Variants in NOS1 observed in about 807,000 individuals in gnomAD.
The protein encoded by NOS1 is NOS type I.
A neutral mutation model predicts 164.5 loss-of-function variants in NOS1; 51 were observed. That is an observed-to-expected ratio of 0.31 (90% CI 0.25 to 0.39). NOS1 has a LOEUF of 0.39. Among genes scored for constraint, NOS1 ranks in the 10% least tolerant of loss-of-function variants. The probability of loss-of-function intolerance (pLI) is 1.00; values close to 1 mark genes in which losing one functional copy is unlikely to be tolerated. For missense variants in NOS1, 1,362 were observed against 1,885.6 expected (o/e 0.72, Z 5.14); for synonymous variants, 719 against 745.8 (o/e 0.96, Z 0.59).
In NOS1 at chr12:117,272,394, A is replaced by G. The variant is rs372404284; in HGVS notation, c.1830T>C (p.Asn610=). ...CAGAGAGGGCCCTTACCTCCAGGATATTGTAGCGGGAGTTGTCACAGTAGT... is the reference window on the plus strand; with the variant it reads ...CAGAGAGGGCCCTTACCTCCAGGATGTTGTAGCGGGAGTTGTCACAGTAGT... The part of the protein sequence containing the change: ...VRDYCDNSRY[N]ILEEVAKKMN... The change falls in exon 10 of 29, where the codon AAT becomes AAC. Residue 610 remains asparagine (N), a synonymous_variant. Coordinates refer to ENST00000317775, the MANE Select transcript of NOS1 (RefSeq NM_000620.5). This position sits in a 1 kb window ranked among gnomAD's most constrained non-coding sequence, Gnocchi z 4.3. The G allele has an allele frequency of 3.7e-5, 59 of 1,613,924 alleles. No homozygotes were observed. The highest frequency in any genetic ancestry group is 4.9e-5 in the Non-Finnish European group (58 of 1,179,996).
Position 117,214,092 on chromosome 12 carries a change from G to A in NOS1, c.*1217C>T, listed in dbSNP as rs1956567838. On this transcript the variant is annotated 3_prime_UTR_variant, in exon 29 of 29. Coordinates refer to ENST00000317775, the MANE Select transcript of NOS1 (RefSeq NM_000620.5). Reference sequence around the variant, plus strand: ...CCAAGTTGTGGCTCCTATCGAAGAAGCCACGTGGGACCTCATTATGGCAAC... The same window carrying A: ...CCAAGTTGTGGCTCCTATCGAAGAAACCACGTGGGACCTCATTATGGCAAC... The A allele has an allele frequency of 1.0e-6, 1 of 985,320 alleles. No individual in the cohort carries two copies. The highest frequency in any genetic ancestry group is 1.2e-6 in the Non-Finnish European group (1 of 829,944). The allele number at this position is 985,320 out of a possible 1,614,324, so 61.0% of individuals were successfully genotyped here.
intron 2 of NOS1, among the ~76,000 whole-genome samples, chr12:117,326,543 C>T (rs1316573121): frequency 3.3e-5 from 5 of 152,234 alleles, no homozygotes; most frequent in African/African-American, 1.2e-4. Flanking sequence ...CCTGTACTTG[C>T]TCTAAGCCAC....
intron 16 of NOS1, among the ~76,000 whole-genome samples, chr12:117,257,329 T>C (rs12318813): frequency 0.016 from 2,491 of 152,042 alleles, 58 homozygotes; most frequent in African/African-American, 0.056. Flanking sequence ...GCAATCCTCC[T>C]GCCTCAGCCT....
chr12:117,208,487 G>C lies in NOS1; in HGVS notation c.*6822C>G. On this transcript the variant is annotated 3_prime_UTR_variant, in exon 29 of 29. Transcript: ENST00000317775. ...AAGCCCGGAACGGACACTGCGACGT[G>C]GGGTGCCCGGCACCGCTCTTTGGGC... is the stretch of plus-strand genomic sequence containing the variant. 1 of 1,260,096 alleles carries C rather than the reference G, an allele frequency of 7.9e-7. No homozygotes were observed. Among genetic ancestry groups the C allele is most frequent in the Non-Finnish European group, 1.0e-6 (1 of 971,280 alleles). The allele number at this position is 1,260,096 out of a possible 1,614,324, so 78.1% of individuals were successfully genotyped here. A position where few individuals can be genotyped will look rare whatever the true frequency, so the allele number is the denominator to read the frequency against.
chr12:117,214,977 C>T lies in NOS1; in HGVS notation c.*332G>A, dbSNP rs1464737084. On this transcript the variant is annotated 3_prime_UTR_variant, in exon 29 of 29. Coordinates refer to ENST00000317775, the MANE Select transcript of NOS1 (RefSeq NM_000620.5). ...AGTTCCTGCAGCCTTTCCAGGGGAA[C>T]CCCAGAGAAAAAAACCCCCACAGCG... The T allele has an allele frequency of 1.6e-5, 18 of 1,098,230 alleles. No individual in the cohort carries two copies. Among genetic ancestry groups the T allele is most frequent in the Non-Finnish European group, 2.0e-5 (18 of 903,736 alleles). The allele number at this position is 1,098,230 out of a possible 1,614,324, so 68.0% of individuals were successfully genotyped here.
intron 3 of NOS1, among the ~76,000 whole-genome samples, chr12:117,302,418 C>T (rs1337629597): frequency 2.0e-5 from 3 of 151,934 alleles, no homozygotes; most frequent in Non-Finnish European, 1.5e-5. Flanking sequence ...CATGGTGAAA[C>T]CCCATCTCTA....
At chr12:117,360,606 G>A (rs1040091493) in intron 1 of NOS1, among the ~76,000 whole-genome samples, 1 of 152,184 alleles carries the variant, frequency 6.6e-6, no homozygotes, top group Non-Finnish European at 1.5e-5. Context: ...GCGCAAGGAG[G>A]CTCCTCGCAA....
At position 117,329,832 on chromosome 12, in the gene NOS1, C is replaced by T. The variant is rs116990426; in HGVS notation, c.725+513G>A. On this transcript the variant is annotated intron_variant, in intron 2 of 28. Coordinates refer to ENST00000317775, the MANE Select transcript of NOS1 (RefSeq NM_000620.5). ...CCTTCAGAATTTTACGCATCCTGGA[C>T]TGGCTGCAATGAGGAGAAAGCTGAT... Among the ~76,000 whole-genome samples the T allele has an allele frequency of 6.6e-3, 999 of 152,268 alleles. 14 individuals carry two copies. The highest frequency in any genetic ancestry group is 7.6e-3 in the Non-Finnish European group (520 of 68,016).
chr12:117,337,152 G>A (rs1875870638), intron 1 of NOS1, among the ~76,000 whole-genome samples: 1 of 111,006 alleles, frequency 9.0e-6, no homozygotes, highest in African/African-American at 3.6e-5. Context: ...GTCTTGCTCT[G>A]TCGCCCAGGC....
chr12:117,227,378 G>A, intron 23 of NOS1, 53 bp downstream of exon 23: 4 of 1,570,516 alleles, frequency 2.5e-6, no homozygotes, highest in Non-Finnish European at 3.5e-6. Flanking sequence ...ACCCTCCAGA[G>A]GCCCCTTGGG....
At chr12:117,232,205 C>A in intron 21 of NOS1, 74 bp from the exon 22 acceptor site, 1 of 1,442,694 alleles carries the variant, frequency 6.9e-7, no homozygotes. Flanking sequence ...AGGTCTGCTC[C>A]TGGAGCAGAG....
chr12:117,358,298 C>T (rs1212540379), intron 1 of NOS1, among the ~76,000 whole-genome samples: 3 of 152,204 alleles, frequency 2.0e-5, no homozygotes, highest in Non-Finnish European at 4.4e-5. Context: ...CACAGAGACC[C>T]ACTGGGAGCA....
chr12:117,258,502 G>A (rs1388169449), intron 15 of NOS1, 47 bp from the exon 16 acceptor site: 1 of 1,593,378 alleles, frequency 6.3e-7, no homozygotes, highest in Non-Finnish European at 8.6e-7. Flanking sequence ...TTAGTAAATG[G>A]GAAATCAGGT....
At chr12:117,220,314 G>A (rs374919801) in intron 26 of NOS1, 45 bp from the exon 27 acceptor site, 60 of 1,537,960 alleles carry the variant, frequency 3.9e-5, no homozygotes, top group Non-Finnish European at 4.9e-5. Flanking sequence ...GCTGTGCAAC[G>A]TGCCTGCCAT....
chr12:117,220,777 T>C (rs55978330), intron 26 of NOS1, among the ~76,000 whole-genome samples: 1 of 151,958 alleles, frequency 6.6e-6, no homozygotes, highest in African/African-American at 2.4e-5. Context: ...GCTGTAGCGA[T>C]AGCAGAAGGA....
chr12:117,231,210 G>A (rs890382945), intron 22 of NOS1, among the ~76,000 whole-genome samples: 17 of 151,966 alleles, frequency 1.1e-4, no homozygotes, highest in African/African-American at 2.4e-4. Context: ...CCAGCTGCTC[G>A]GGAGGCTGAG....
At position 117,226,623 on chromosome 12, in the gene NOS1, C is replaced by A. The variant is rs1868698415; in HGVS notation, c.3704+60G>T. 2.0e-6 allele frequency: 3 copies of A among 1,513,924 alleles called. No individual in the cohort carries two copies. In the East Asian group the frequency reaches 6.8e-5, roughly 34 times the overall value. 93.8% of individuals were successfully genotyped at this position (1,513,924 alleles called of 1,614,324 possible). A position where few individuals can be genotyped will look rare whatever the true frequency, so the allele number is the denominator to read the frequency against. The stretch of plus-strand genomic sequence containing the variant: ...CTTCAGACTGGTCCACCTACCCCAA[C>A]TTGTGACGTCAATATGCAGATTTGA... On this transcript the variant is annotated intron_variant, in intron 24 of 28. Coordinates refer to ENST00000317775, the MANE Select transcript of NOS1 (RefSeq NM_000620.5).
chr12:117,221,376 T>G (rs1956702644), intron 26 of NOS1, among the ~76,000 whole-genome samples: 1 of 151,664 alleles, frequency 6.6e-6, no homozygotes, highest in Non-Finnish European at 1.5e-5. Context: ...CTCAAACTCC[T>G]GGCCTCAAGT....
intron 1 of NOS1, among the ~76,000 whole-genome samples, chr12:117,352,495 G>A (rs956105694): frequency 2.0e-5 from 3 of 152,270 alleles, no homozygotes; most frequent in Non-Finnish European, 4.4e-5. Flanking sequence ...GGGAACTGTC[G>A]CCTGCTCACT....
Sources: allele counts gnomAD v4.1 joint callset (sites outside exome capture counted in the v4.1 genomes callset), GRCh38; gene constraint gnomAD v4.1.1; non-coding constraint Gnocchi (gnomAD v3.1); transcripts MANE v1.5; gene names NCBI Gene and HGNC (gene_info 2026-07-23, HGNC 2026-07-21).